GTPBP10: variants seen among roughly 807,000 people sequenced by gnomAD.
The protein encoded by GTPBP10 is GTP binding protein 10, also known as GTP-binding protein 10.
In GTPBP10, 38 loss-of-function variants were observed where a neutral mutation model predicts 44.8. The ratio of observed to expected loss-of-function variants is 0.85; its 90% confidence interval spans 0.65 to 1.11. The LOEUF is 1.11. Ranked by LOEUF, GTPBP10 falls within the 50% of genes most tolerant of loss-of-function variation. The pLI is 0.00. For synonymous variants in GTPBP10, 152 were observed against 150.6 expected, an observed-to-expected ratio of 1.01 and a Z score of -0.07; for missense variants, 462 against 453.7, an observed-to-expected ratio of 1.02 and a Z score of -0.17.
intron 4 of GTPBP10, among the ~76,000 whole-genome samples, chr7:90,362,902 T>G (rs915115705): frequency 1.3e-5 from 2 of 152,216 alleles, no homozygotes; most frequent in African/African-American, 2.4e-5. Flanking sequence ...CTTCTTTGTC[T>G]CTTTTGATCT....
intron 8 of GTPBP10, among the ~76,000 whole-genome samples, chr7:90,379,985 A>G (rs745762473): frequency 6.6e-6 from 1 of 151,808 alleles, no homozygotes; most frequent in Admixed American, 6.6e-5. Context: ...AAGTCTGTTC[A>G]GATTCTGTGT....
intron 4 of GTPBP10, among the ~76,000 whole-genome samples, chr7:90,358,337 C>T (rs1795945513): frequency 6.6e-6 from 1 of 152,098 alleles, no homozygotes; most frequent in African/African-American, 2.4e-5. Context: ...ATGAACAAAT[C>T]TAGAGGAATC....
chr7:90,371,272 A>G (rs2115721427), intron 4 of GTPBP10: 1 of 545,044 alleles, frequency 1.8e-6, no homozygotes, highest in Middle Eastern at 9.0e-4. Flanking sequence ...ATTGTAGACA[A>G]CCTGAAAGTC....
At chr7:90,352,713 A>G (rs1400845017) in intron 1 of GTPBP10, 103 bp from the exon 2 acceptor site, 2 of 823,842 alleles carry the variant, frequency 2.4e-6, no homozygotes, top group Non-Finnish European at 3.6e-6. Flanking sequence ...AAAAGCTATT[A>G]ACGACTTTTT....
intron 4 of GTPBP10, among the ~76,000 whole-genome samples, chr7:90,359,545 T>TG (rs1795972260): frequency 6.6e-6 from 1 of 152,254 alleles, no homozygotes; most frequent in African/African-American, 2.4e-5. Flanking sequence ...CTATCATTGA[T>TG]GGACATTTGG....
intron 4 of GTPBP10, among the ~76,000 whole-genome samples, chr7:90,365,476 C>T (rs1280429902): frequency 1.4e-5 from 2 of 142,386 alleles, no homozygotes; most frequent in African/African-American, 2.6e-5. Context: ...CCCAGGTTCA[C>T]GCCATTCTCC....
At chr7:90,383,982 C>T (rs1796477645) in intron 9 of GTPBP10, among the ~76,000 whole-genome samples, 2 of 152,192 alleles carry the variant, frequency 1.3e-5, no homozygotes, top group South Asian at 4.1e-4. Flanking sequence ...TAAATATTCT[C>T]TGATACTAAA....
At chr7:90,380,070 T>C (rs1024523439) in intron 8 of GTPBP10, among the ~76,000 whole-genome samples, 1 of 148,952 alleles carries the variant, frequency 6.7e-6, no homozygotes, top group Non-Finnish European at 1.5e-5. Flanking sequence ...AATAAGTCCC[T>C]TCTCTTTTTT....
At chr7:90,366,789 A>T (rs1352002856) in intron 4 of GTPBP10, among the ~76,000 whole-genome samples, 2 of 148,764 alleles carry the variant, frequency 1.3e-5, no homozygotes, top group East Asian at 3.9e-4. Context: ...TATCTCTGTC[A>T]TTTCTGCTCT....
In GTPBP10 at chr7:90,387,667, C is replaced by T. The variant is rs1796547638; in HGVS notation, c.*2513C>T. On this transcript the variant is annotated 3_prime_UTR_variant, in exon 10 of 10. Coordinates refer to ENST00000222511, the MANE Select transcript of GTPBP10 (RefSeq NM_033107.4). ...TTATTGAGCAATGTCCTGTATCAGGCACTGTCCAAGGTGCTGTATGTGCCA... is the reference window on the plus strand; with the variant it reads ...TTATTGAGCAATGTCCTGTATCAGGTACTGTCCAAGGTGCTGTATGTGCCA... The T allele has an allele frequency of 6.6e-6, 1 of 152,182 alleles. No individual in the cohort carries two copies. The highest frequency in any genetic ancestry group is 1.5e-5 in the Non-Finnish European group (1 of 68,034). 9.4% of individuals were successfully genotyped at this position (152,182 alleles called of 1,614,324 possible). A position where few individuals can be genotyped will look rare whatever the true frequency, so the allele number is the denominator to read the frequency against.
chr7:90,374,076 G>A (rs1180419644), intron 5 of GTPBP10, among the ~76,000 whole-genome samples: 1 of 152,182 alleles, frequency 6.6e-6, no homozygotes, highest in East Asian at 1.9e-4. Flanking sequence ...AGCTTCAAAT[G>A]ATCCTCCTGC....
chr7:90,381,351 A>C (rs1796432789), intron 8 of GTPBP10, among the ~76,000 whole-genome samples: 1 of 152,044 alleles, frequency 6.6e-6, no homozygotes, highest in Non-Finnish European at 1.5e-5. Context: ...GAGCTATCTC[A>C]TTGTGGTTTT....
Position 90,385,137 on chromosome 7 carries a change from A to G in GTPBP10, c.1147A>G (p.Lys383Glu). ...ATCAAAGCATGCTGTTACTACTTCC[A>G]AAATGGATATAATTTAAATATATTA... ...PPSKHAVTTSKMDII is the reference protein window; with the variant it reads ...PPSKHAVTTSEMDII Residue 383 changes from lysine to glutamate, a missense_variant, in exon 10 of 10, where the codon AAA becomes GAA. Transcript: ENST00000222511. 6.2e-7 allele frequency: 1 copy of G among 1,602,764 alleles called. No homozygotes were observed. The highest frequency in any genetic ancestry group is 2.2e-5 in the East Asian group (1 of 44,752).
chr7:90,347,509 A>C, intron 1 of GTPBP10: 1 of 509,494 alleles, frequency 2.0e-6, no homozygotes, highest in East Asian at 1.5e-4. Context: ...TTGAAAAAAA[A>C]ATCCCATTTG....
At position 90,388,874 on chromosome 7, in the gene GTPBP10, A is replaced by C. The variant is rs570496630; in HGVS notation, c.*3720A>C. ...ACAGTGTTTGCAAAGTTCAGATTGAAAACCCAGTTTTACAAATCCCATCTA... is the reference window on the plus strand; with the variant it reads ...ACAGTGTTTGCAAAGTTCAGATTGACAACCCAGTTTTACAAATCCCATCTA... On this transcript the variant is annotated 3_prime_UTR_variant, in exon 10 of 10. Transcript: ENST00000222511. 2.1e-4 allele frequency: 32 copies of C among 152,338 alleles called. No homozygotes were observed. Among genetic ancestry groups the C allele is most frequent in the African/African-American group, 7.7e-4 (32 of 41,586 alleles). 9.4% of individuals were successfully genotyped at this position (152,338 alleles called of 1,614,324 possible).
intron 9 of GTPBP10, 54 bp from the exon 10 acceptor site, chr7:90,384,838 T>C: frequency 6.5e-7 from 1 of 1,527,268 alleles, no homozygotes; most frequent in South Asian, 1.3e-5. Flanking sequence ...AACATGGTTT[T>C]AACTAACTTT....
At position 90,354,408 on chromosome 7, in the gene GTPBP10, G is replaced by GTA. The variant is rs549701437; in HGVS notation, c.228-43_228-42dup. The GTA allele has an allele frequency of 4.0e-3, 3,272 of 813,744 alleles. 24 individuals carry two copies. The highest frequency in any genetic ancestry group is 0.017 in the South Asian group (811 of 48,874). The allele number at this position is 813,744 out of a possible 1,614,324, so 50.4% of individuals were successfully genotyped here. A position where few individuals can be genotyped will look rare whatever the true frequency, so the allele number is the denominator to read the frequency against. On this transcript the variant is annotated intron_variant, in intron 2 of 9. Coordinates refer to ENST00000222511, the MANE Select transcript of GTPBP10 (RefSeq NM_033107.4). ...CCATTTTGTGTGTATGTGTGTGTGT[G>GTA]TATATATACACACACACATACATAC...
At chr7:90,349,456 T>C (rs2115586470) in intron 1 of GTPBP10, among the ~76,000 whole-genome samples, 1 of 152,212 alleles carries the variant, frequency 6.6e-6, no homozygotes, top group Middle Eastern at 3.4e-3. Context: ...CAGAGGAACT[T>C]TACAAGTCAG....
At chr7:90,373,638 A>G (rs758528422) in intron 5 of GTPBP10, among the ~76,000 whole-genome samples, 1 of 152,244 alleles carries the variant, frequency 6.6e-6, no homozygotes, top group East Asian at 1.9e-4. Flanking sequence ...CTTAAGGATA[A>G]CAATGAGAAG....
Sources: gnomAD v4.1 joint callset for allele counts (sites outside exome capture counted in the v4.1 genomes callset) on GRCh38, gnomAD v4.1.1 for gene constraint, MANE v1.5 for transcripts, NCBI Gene and HGNC (gene_info 2026-07-23, HGNC 2026-07-21) for gene names.